DOCK1: variants seen among roughly 807,000 people sequenced by gnomAD.
DOCK1 encodes the protein dedicator of cytokinesis 1, also known as dedicator of cytokinesis protein 1.
DOCK1 carries 138 observed loss-of-function variants against 262.7 expected under a neutral mutation model. The observed-to-expected ratio is 0.53, with a 90% CI of 0.46 to 0.61. DOCK1 has a LOEUF of 0.61. DOCK1 is among the 20% of genes least tolerant of loss of function. The pLI is 0.00. For missense variants in DOCK1, 1,908 were observed against 2,370.7 expected (o/e 0.80, Z 4.05); for synonymous variants, 866 against 867.4 (o/e 1.00, Z 0.03).
intron 30 of DOCK1, among the ~76,000 whole-genome samples, chr10:127,342,824 G>A (rs6482815): frequency 6.6e-6 from 1 of 151,992 alleles, no homozygotes; most frequent in African/African-American, 2.4e-5. Context: ...TTTATTGAAA[G>A]AAGAAATGTT....
chr10:127,419,199 C>T lies in DOCK1; in HGVS notation c.4693-467C>T, dbSNP rs187447145. Among the ~76,000 whole-genome samples the T allele has an allele frequency of 7.2e-4, 110 of 152,276 alleles. 1 individual carries two copies. In the East Asian group the frequency reaches 0.02, roughly 28 times the overall value. ...CCTTTCACAAAAAAAGCTTGTTGAC[C>T]CCTGATCTAGACAGAGCAAAAACTG... On this transcript the variant is annotated intron_variant, in intron 45 of 51. Coordinates refer to ENST00000623213, the MANE Select transcript of DOCK1 (RefSeq NM_001290223.2).
intron 27 of DOCK1, among the ~76,000 whole-genome samples, chr10:127,208,016 C>T (rs189195535): frequency 1.1e-3 from 163 of 152,304 alleles, no homozygotes; most frequent in Non-Finnish European, 1.7e-3. Flanking sequence ...TAGGCTCACC[C>T]GGCCTCCTCT....
chr10:126,963,595 C>G lies in DOCK1; in HGVS notation c.47-7107C>G, dbSNP rs1353147992. 1.9e-4 allele frequency among the ~76,000 whole-genome samples: 10 copies of G among 51,366 alleles called. 1 individual carries two copies. The highest frequency in any genetic ancestry group is 3.1e-4 in the Non-Finnish European group (9 of 28,620). The allele number at this position is 51,366 out of a possible 152,430, so 33.7% of individuals were successfully genotyped here. On this transcript the variant is annotated intron_variant, in intron 1 of 51. Coordinates refer to ENST00000623213, the MANE Select transcript of DOCK1 (RefSeq NM_001290223.2). ...CCTCTCCTTCCCTCCCTTCCCTTCC[C>G]TTCCCTTCCCTTCCCTTCCCTTCCC...
Position 127,451,452 on chromosome 10 carries a change from T to G in DOCK1, c.*25T>G. ...ACGTCGCAAGCCTCTCTGGAAAGAG[T>G]GTGCTGCCCCTCCCCATCTCCATGC... is the stretch of plus-strand genomic sequence containing the variant. On this transcript the variant is annotated 3_prime_UTR_variant, in exon 52 of 52. Transcript: ENST00000623213. The G allele has an allele frequency of 6.4e-7, 1 of 1,557,036 alleles. No homozygotes were observed.
rs138222955 is a variant in DOCK1, at chr10:127,437,763, G to A, written c.5061-1264G>A. On this transcript the variant is annotated intron_variant, in intron 48 of 51. Transcript: ENST00000623213. The surrounding 1 kb of genome is among the most constrained non-coding windows in gnomAD (Gnocchi z 4.4). ...CCAAGTGCTAGGATTATAGGCATGA[G>A]CCACCATGCCCGGCCCTGCAATGGC... Among the ~76,000 whole-genome samples, 4 of 152,210 alleles carry A rather than the reference G, an allele frequency of 2.6e-5. No individual in the cohort carries two copies. The highest frequency in any genetic ancestry group is 7.2e-5 in the African/African-American group (3 of 41,448).
chr10:126,971,122 C>A (rs752537101), intron 2 of DOCK1, among the ~76,000 whole-genome samples: 4 of 151,716 alleles, frequency 2.6e-5, no homozygotes, highest in Middle Eastern at 3.4e-3. Context: ...GTAATCTCAG[C>A]TCACTGCAAC....
At chr10:127,202,086 G>A (rs2057488018) in intron 27 of DOCK1, among the ~76,000 whole-genome samples, 1 of 152,146 alleles carries the variant, frequency 6.6e-6, no homozygotes, top group Non-Finnish European at 1.5e-5. Context: ...ATTTTGGGAG[G>A]CCAAGGCGGG....
intron 28 of DOCK1, among the ~76,000 whole-genome samples, chr10:127,249,457 ACACACG>A (rs989077984): frequency 1.1e-4 from 16 of 141,728 alleles, no homozygotes; most frequent in African/African-American, 3.1e-4. Flanking sequence ...ACACACACAC[ACACACG>A]CAGTCGTGTG....
chr10:127,271,631 T>C, intron 29 of DOCK1, among the ~76,000 whole-genome samples: 1 of 152,088 alleles, frequency 6.6e-6, no homozygotes, highest in East Asian at 1.9e-4. Context: ...TCTTTGGCAC[T>C]GGGGGGGATA....
At chr10:127,307,392 G>T (rs1017738026) in intron 29 of DOCK1, among the ~76,000 whole-genome samples, 1 of 152,178 alleles carries the variant, frequency 6.6e-6, no homozygotes, top group East Asian at 1.9e-4. Context: ...TCTCTCTGGG[G>T]TGTTTTAGAT....
chr10:127,132,402 A>G (rs1310140654), intron 27 of DOCK1, among the ~76,000 whole-genome samples: 1 of 152,228 alleles, frequency 6.6e-6, no homozygotes, highest in African/African-American at 2.4e-5. Flanking sequence ...GAAGCGTTGC[A>G]ATAACCTTGC....
At chr10:127,444,397 G>T (rs1018818214) in intron 50 of DOCK1, 118 bp downstream of exon 50, 2 of 1,285,658 alleles carry the variant, frequency 1.6e-6, no homozygotes, top group African/African-American at 1.5e-5. Flanking sequence ...TGGGAGTTTA[G>T]ATAAACACCT....
At chr10:127,428,309 C>T (rs916408445) in intron 47 of DOCK1, among the ~76,000 whole-genome samples, 3 of 152,120 alleles carry the variant, frequency 2.0e-5, no homozygotes, top group African/African-American at 7.2e-5. Flanking sequence ...ATTCCCTTCT[C>T]TGCCACATTC....
intron 29 of DOCK1, among the ~76,000 whole-genome samples, chr10:127,301,403 T>C (rs1204765084): frequency 6.6e-6 from 1 of 152,174 alleles, no homozygotes; most frequent in Non-Finnish European, 1.5e-5. Flanking sequence ...TAGGATAATA[T>C]ACAAATGAAT....
intron 36 of DOCK1, among the ~76,000 whole-genome samples, chr10:127,380,653 G>A (rs1358828031): frequency 6.6e-6 from 1 of 152,114 alleles, no homozygotes; most frequent in Non-Finnish European, 1.5e-5. Context: ...GACTGTGATT[G>A]AGCCCTTCTC....
intron 1 of DOCK1, among the ~76,000 whole-genome samples, chr10:126,943,765 T>A (rs1369201681): frequency 1.3e-5 from 2 of 151,800 alleles, no homozygotes; most frequent in African/African-American, 2.4e-5. Context: ...TTTGAAGAGA[T>A]TAGATATGAG....
intron 1 of DOCK1, among the ~76,000 whole-genome samples, chr10:126,931,625 G>C (rs1274781315): frequency 6.6e-6 from 1 of 152,154 alleles, no homozygotes; most frequent in Non-Finnish European, 1.5e-5. Flanking sequence ...TGAATGGGGT[G>C]GTCGACTTTC....
rs1363564446 is a variant in DOCK1, at chr10:126,947,154, G to A, written c.47-23548G>A. The stretch of plus-strand genomic sequence containing the variant: ...CTATTTCATAGGGTTGATATGGGAT[G>A]ATGTGGTATTCCATGGTGTTTCTGG... On this transcript the variant is annotated intron_variant, in intron 1 of 51. Coordinates refer to ENST00000623213, the MANE Select transcript of DOCK1 (RefSeq NM_001290223.2). 4.6e-5 allele frequency among the ~76,000 whole-genome samples: 7 copies of A among 152,358 alleles called. No individual in the cohort carries two copies. The East Asian group carries it at 1.3e-3, about 29-fold the overall frequency.
At chr10:127,415,958 T>C (rs778560727) in intron 44 of DOCK1, among the ~76,000 whole-genome samples, 17 of 152,266 alleles carry the variant, frequency 1.1e-4, no homozygotes, top group African/African-American at 3.9e-4. Context: ...TGTTTTCACC[T>C]GGCAAGAACT....
Sources: gnomAD v4.1 joint callset for allele counts (sites outside exome capture counted in the v4.1 genomes callset) on GRCh38, gnomAD v4.1.1 for gene constraint, Gnocchi (gnomAD v3.1) non-coding constraint, MANE v1.5 for transcripts, NCBI Gene and HGNC (gene_info 2026-07-23, HGNC 2026-07-21) for gene names.